Variants in OSBPL7 observed in about 807,000 individuals in gnomAD.
The protein encoded by OSBPL7 is oxysterol binding protein like 7.
A neutral mutation model predicts 115.8 loss-of-function variants in OSBPL7; 66 were observed. The ratio of observed to expected loss-of-function variants is 0.57; its 90% CI spans 0.47 to 0.70. The LOEUF (loss-of-function observed/expected upper bound fraction) is 0.70. Among genes scored for constraint, OSBPL7 ranks in the 30% least tolerant of loss-of-function variants. The probability of loss-of-function intolerance (pLI) is 0.00; values close to 1 mark genes in which losing one functional copy is unlikely to be tolerated. For missense variants in OSBPL7, 902 were observed against 1,125.5 expected (o/e 0.80, Z 2.84); for synonymous variants, 441 against 439.2 (o/e 1.00, Z -0.05).
intron 4 of OSBPL7, 70 bp from the exon 5 acceptor site, chr17:47,819,169 T>C: frequency 7.6e-7 from 1 of 1,311,172 alleles, no homozygotes; most frequent in Non-Finnish European, 1.1e-6. Flanking sequence ...AGCCACCATC[T>C]CCCTGATGCC....
chr17:47,819,251 A>G (rs931298517), intron 4 of OSBPL7, 152 bp from the exon 5 acceptor site: 6 of 632,414 alleles, frequency 9.5e-6, no homozygotes, highest in South Asian at 7.5e-5. Context: ...AGACTTGTCA[A>G]TCATCCTCCC....
rs752289779 is a variant in OSBPL7 at position 47,808,303 on chromosome 17, G to C, written c.2517C>G (p.Ala839=). Residue 839 remains alanine (A), a synonymous_variant, in exon 23 of 23, where the codon GCC becomes GCG. Coordinates refer to ENST00000007414, the MANE Select transcript of OSBPL7 (RefSeq NM_145798.3). This position sits in a 1 kb window ranked among gnomAD's most constrained non-coding sequence, Gnocchi z 6.1. The part of the protein sequence containing the change: ...AEPGYGNMDG[A]VLW ...CCCGGGGCCAGGGCTACCAGAGCACGGCCCCATCCATGTTCCCATAGCCTG... is the reference window on the plus strand; with the variant it reads ...CCCGGGGCCAGGGCTACCAGAGCACCGCCCCATCCATGTTCCCATAGCCTG... 1.2e-5 allele frequency: 19 copies of C among 1,612,854 alleles called. No individual in the cohort carries two copies. Among genetic ancestry groups the C allele is most frequent in the Non-Finnish European group, 1.6e-5 (19 of 1,179,338 alleles).
In OSBPL7 at chr17:47,816,166, A is replaced by G; in HGVS notation, c.1060T>C (p.Ser354Pro). Reference sequence around the variant, plus strand: ...GTGGTGTCGGAGGAGGTGGACAGTGAGTGGAGGCGCCTCTGGCCAGTGGAG... The same window carrying G: ...GTGGTGTCGGAGGAGGTGGACAGTGGGTGGAGGCGCCTCTGGCCAGTGGAG... ...EASTGQRRLH[S>P]LSTSSDTTAD... The change falls in exon 12 of 23, where the codon TCA becomes CCA. Residue 354 changes from serine to proline, a missense_variant. Coordinates refer to ENST00000007414, the MANE Select transcript of OSBPL7 (RefSeq NM_145798.3). The surrounding 1 kb of genome is among the most constrained non-coding windows in gnomAD (Gnocchi z 5.8). 1 of 1,550,778 alleles carries G rather than the reference A, an allele frequency of 6.4e-7. No homozygotes were observed. The highest frequency in any genetic ancestry group is 8.7e-7 in the Non-Finnish European group (1 of 1,146,968).
chr17:47,814,400 T>C (rs1024301560), intron 14 of OSBPL7, 121 bp downstream of exon 14: 1 of 894,122 alleles, frequency 1.1e-6, no homozygotes, highest in African/African-American at 1.7e-5. Context: ...GGGGTCAGCA[T>C]CCAAAGCCAC....
chr17:47,820,798 C>T (rs1357648535), intron 1 of OSBPL7: 1 of 152,608 alleles, frequency 6.6e-6, no homozygotes, highest in African/African-American at 2.4e-5. Context: ...CAGGACCCCT[C>T]CACCCTGCCA....
intron 16 of OSBPL7, among the ~76,000 whole-genome samples, chr17:47,812,712 T>C (rs1344853835): frequency 6.6e-6 from 1 of 152,228 alleles, no homozygotes; most frequent in Non-Finnish European, 1.5e-5. Flanking sequence ...TCTACAGAGA[T>C]GACAGGATGC....
rs772263023 is a variant in OSBPL7, at chr17:47,813,770, C to A, written c.1416G>T (p.Gly472=). The A allele has an allele frequency of 6.2e-7, 1 of 1,613,094 alleles. No individual in the cohort carries two copies. Reference sequence around the variant, plus strand: ...TCCACAGGCTCACGTCAGCCCCAGGCCCGCTGGCCGCCGGCAGGCAGCGAC... The same window carrying A: ...TCCACAGGCTCACGTCAGCCCCAGGACCGCTGGCCGCCGGCAGGCAGCGAC... The part of the protein sequence containing the change: ...PRRRCLPAAS[G]PGADVSLWNI... The change falls in exon 15 of 23, where the codon GGG becomes GGT. Residue 472 remains glycine, a synonymous_variant. Transcript: ENST00000007414.
At chr17:47,810,935 A>C in intron 16 of OSBPL7, 100 bp from the exon 17 acceptor site, 1 of 1,199,302 alleles carries the variant, frequency 8.3e-7, no homozygotes, top group Non-Finnish European at 1.2e-6. Flanking sequence ...GTACCACAAG[A>C]CCAGTTGGTT....
chr17:47,810,943 G>T, intron 16 of OSBPL7, 108 bp from the exon 17 acceptor site: 1 of 1,124,812 alleles, frequency 8.9e-7, no homozygotes, highest in Non-Finnish European at 1.3e-6. Context: ...AGACCAGTTG[G>T]TTCCAGGTTT....
At position 47,809,390 on chromosome 17, in the gene OSBPL7, C is replaced by A; in HGVS notation, c.1969G>T (p.Val657Leu). The change falls in exon 19 of 23, where the codon GTG becomes TTG. Residue 657 changes from valine to leucine, a missense_variant. Physicochemically the swap from Val to Leu is conservative, Grantham distance 32. Transcript: ENST00000007414. ...GQRWIEHYGE[V>L]LIRNTQDSSC... ...CTGTCCTGTGTGTTTCGGATGAGCACCTCCCCATAGTGCTCGATCCAGCGC... is the reference window on the plus strand; with the variant it reads ...CTGTCCTGTGTGTTTCGGATGAGCAACTCCCCATAGTGCTCGATCCAGCGC... The A allele has an allele frequency of 6.2e-7, 1 of 1,614,156 alleles. No homozygotes were observed. The highest frequency in any genetic ancestry group is 8.5e-7 in the Non-Finnish European group (1 of 1,180,026).
chr17:47,819,144 C>T, intron 4 of OSBPL7, 45 bp from the exon 5 acceptor site: 7 of 1,531,088 alleles, frequency 4.6e-6, no homozygotes, highest in Non-Finnish European at 6.3e-6. Flanking sequence ...CTGTTTTAGG[C>T]TCTCAGAGCC....
intron 8 of OSBPL7, 114 bp downstream of exon 8, chr17:47,817,142 G>C: frequency 3.5e-6 from 3 of 849,250 alleles, no homozygotes; most frequent in Non-Finnish European, 5.6e-6. Flanking sequence ...AGGAAACCAG[G>C]CGATGCATGG....
At chr17:47,814,479 A>AGCCCCC in intron 14 of OSBPL7, 42 bp downstream of exon 14, 8 of 1,086,670 alleles carry the variant, frequency 7.4e-6, no homozygotes, top group Non-Finnish European at 7.0e-6. Context: ...CTGTTTTTCC[A>AGCCCCC]CCCGCCTCCC....
In OSBPL7 at chr17:47,808,074, C is replaced by T. The variant is rs565087502; in HGVS notation, c.*217G>A. ...ATGCTGGTTGTCTGGGGCAAGGAGA[C>T]TGGGGAAGCACAGATTCTGCTTCTC... On this transcript the variant is annotated 3_prime_UTR_variant, in exon 23 of 23. Transcript: ENST00000007414. This position sits in a 1 kb window ranked among gnomAD's most constrained non-coding sequence, Gnocchi z 6.1. 6.9e-5 allele frequency: 40 copies of T among 580,198 alleles called. No homozygotes were observed. In the South Asian group the frequency reaches 8.2e-4, roughly 12 times the overall value. 35.9% of individuals were successfully genotyped at this position (580,198 alleles called of 1,614,324 possible). A position where few individuals can be genotyped will look rare whatever the true frequency, so the allele number is the denominator to read the frequency against.
intron 14 of OSBPL7, 86 bp downstream of exon 14, chr17:47,814,435 T>C: frequency 2.4e-6 from 3 of 1,274,118 alleles, no homozygotes; most frequent in Non-Finnish European, 3.3e-6. Context: ...CCACAAGGGA[T>C]GGCCTTTGCA....
chr17:47,811,947 G>A (rs781473202), intron 16 of OSBPL7, among the ~76,000 whole-genome samples: 2 of 152,162 alleles, frequency 1.3e-5, no homozygotes, highest in South Asian at 2.1e-4. Context: ...TAGTCCCTTC[G>A]GAGTGTTGGG....
intron 14 of OSBPL7, 42 bp downstream of exon 14, chr17:47,814,479 A>C (rs1598019082): frequency 4.8e-5 from 52 of 1,086,466 alleles, no homozygotes; most frequent in East Asian, 7.4e-5. Context: ...CTGTTTTTCC[A>C]CCCGCCTCCC....
Position 47,819,411 on chromosome 17 carries a change from T to C in OSBPL7, c.256-312A>G, listed in dbSNP as rs145973733. ...CCTGGGTACCCAGGCCTTCAGTTCC[T>C]TGTTCCCAGCCTGAGAATGGGACCA... On this transcript the variant is annotated intron_variant, in intron 4 of 22. Transcript: ENST00000007414. 551 of 564,162 alleles carry C rather than the reference T, an allele frequency of 9.8e-4. 3 individuals are homozygous for C. In the African/African-American group the frequency reaches 9.8e-3, roughly 10 times the overall value. The allele number at this position is 564,162 out of a possible 1,614,324, so 34.9% of individuals were successfully genotyped here.
rs770240016 is a variant in OSBPL7, at chr17:47,817,368, A to AG, written c.599-10_599-9insC. The AG allele has an allele frequency of 1.5e-4, 223 of 1,524,070 alleles. 3 individuals carry two copies. In the East Asian group the frequency reaches 5.0e-3, roughly 34 times the overall value. The allele number at this position is 1,524,070 out of a possible 1,614,324, so 94.4% of individuals were successfully genotyped here. On this transcript the variant is annotated splice_polypyrimidine_tract_variant and intron_variant, in intron 7 of 22. Coordinates refer to ENST00000007414, the MANE Select transcript of OSBPL7 (RefSeq NM_145798.3). ...CTGACACTCAGAGAGCTCTGCGGGGAAAAAGAACAAGAACAAGAACACCAT... is the reference window on the plus strand; with the variant it reads ...CTGACACTCAGAGAGCTCTGCGGGGAGAAAAGAACAAGAACAAGAACACCAT...
Sources: gnomAD v4.1 joint callset for allele counts (sites outside exome capture counted in the v4.1 genomes callset) on GRCh38, gnomAD v4.1.1 for gene constraint, Gnocchi (gnomAD v3.1) non-coding constraint, MANE v1.5 for transcripts, NCBI Gene and HGNC (gene_info 2026-07-23, HGNC 2026-07-21) for gene names.